The following SORBS2 variants were observed in gnomAD, a reference collection of about 807,000 sequenced individuals.
SORBS2 encodes the protein sorbin and SH3 domain-containing protein 2.
In SORBS2, 46 loss-of-function variants were observed where a neutral mutation model predicts 97.7. The observed-to-expected ratio is 0.47, with a 90% confidence interval of 0.37 to 0.60. The LOEUF is 0.60. Among genes scored for constraint, SORBS2 ranks in the 20% least tolerant of loss-of-function variants. SORBS2 has a pLI of 0.00. For synonymous variants in SORBS2, 476 were observed against 473.4 expected, an observed-to-expected ratio of 1.01 and a Z score of -0.07; for missense variants, 1,316 against 1,282.3, an observed-to-expected ratio of 1.03 and a Z score of -0.40.
chr4:185,706,000 T>C (rs1388668381), intron 2 of SORBS2, among the ~76,000 whole-genome samples: 1 of 152,158 alleles, frequency 6.6e-6, no homozygotes, highest in African/African-American at 2.4e-5. Flanking sequence ...TGAAAATCCC[T>C]GGAAAATGGC....
chr4:185,879,189 G>T (rs1468635987), intron 1 of SORBS2, among the ~76,000 whole-genome samples: 2 of 94,080 alleles, frequency 2.1e-5, no homozygotes, highest in Non-Finnish European at 4.1e-5. Flanking sequence ...CCCACGACAG[G>T]CCCCGGTGTG....
intron 4 of SORBS2, among the ~76,000 whole-genome samples, chr4:185,670,300 T>C (rs1425351821): frequency 2.6e-5 from 4 of 152,166 alleles, no homozygotes; most frequent in African/African-American, 7.2e-5. Flanking sequence ...TAACGTGCGT[T>C]TCAACTTTTC....
chr4:185,696,003 A>G (rs2098170103), intron 2 of SORBS2, among the ~76,000 whole-genome samples: 1 of 152,232 alleles, frequency 6.6e-6, no homozygotes, highest in Non-Finnish European at 1.5e-5. Context: ...ACAGTGCCTG[A>G]AAATGTTCCT....
At chr4:185,919,023 T>C (rs977123648) in intron 1 of SORBS2, among the ~76,000 whole-genome samples, 1 of 152,186 alleles carries the variant, frequency 6.6e-6, no homozygotes, top group Non-Finnish European at 1.5e-5. Context: ...CTTTAAATTA[T>C]AGATGATTCC....
At position 185,613,712 on chromosome 4, in the gene SORBS2, TACCAA is replaced by T. The variant is rs1179770651; in HGVS notation, c.2595+1114_2595+1118del. 1.0e-4 allele frequency among the ~76,000 whole-genome samples: 15 copies of T among 150,374 alleles called. No individual in the cohort carries two copies. The East Asian group carries it at 2.9e-3, about 30-fold the overall frequency. ...TGAAAATTGCACCGATTTTCTAGTATACCAAGAACAGGTAGTTGCTAGGCTGTTGT... is the reference window on the plus strand; with the variant it reads ...TGAAAATTGCACCGATTTTCTAGTATGAACAGGTAGTTGCTAGGCTGTTGT... On this transcript the variant is annotated intron_variant, in intron 11 of 14. Transcript: ENST00000418609.
intron 2 of SORBS2, among the ~76,000 whole-genome samples, chr4:185,719,517 T>G (rs1199686119): frequency 1.3e-5 from 2 of 152,202 alleles, no homozygotes; most frequent in Non-Finnish European, 2.9e-5. Flanking sequence ...ATAGACTGAA[T>G]GTGGGGAAAA....
intron 4 of SORBS2, among the ~76,000 whole-genome samples, chr4:185,637,588 A>C (rs1348216234): frequency 2.0e-5 from 3 of 152,178 alleles, no homozygotes; most frequent in African/African-American, 7.2e-5. Context: ...TATTTTGTGC[A>C]CATTACTTAA....
chr4:185,686,873 T>C (rs912129425), intron 2 of SORBS2, among the ~76,000 whole-genome samples: 1 of 152,188 alleles, frequency 6.6e-6, no homozygotes, highest in African/African-American at 2.4e-5. Context: ...TTCCTGTTTT[T>C]AAGGAAAACA....
intron 2 of SORBS2, among the ~76,000 whole-genome samples, chr4:185,712,952 A>G (rs1488466302): frequency 1.3e-5 from 2 of 152,158 alleles, no homozygotes. Context: ...CTAGCTTTCC[A>G]GTAACCTTAT....
intron 13 of SORBS2, among the ~76,000 whole-genome samples, chr4:185,590,706 G>C (rs910757589): frequency 1.3e-5 from 2 of 152,174 alleles, no homozygotes; most frequent in Non-Finnish European, 2.9e-5. Context: ...TGAATTTGTG[G>C]TAAGAAAACA....
chr4:185,953,621 T>A (rs2150034425), intron 1 of SORBS2, among the ~76,000 whole-genome samples: 1 of 152,344 alleles, frequency 6.6e-6, no homozygotes, highest in Middle Eastern at 3.4e-3. Flanking sequence ...TGAAAGAGAC[T>A]GGCGAGGGTG....
Position 185,848,250 on chromosome 4 carries a change from T to C in SORBS2, c.-337-72884A>G, listed in dbSNP as rs112368756. Among the ~76,000 whole-genome samples, 1,230 of 152,254 alleles carry C rather than the reference T, an allele frequency of 8.1e-3. 15 individuals carry two copies. The highest frequency in any genetic ancestry group is 0.028 in the African/African-American group (1,176 of 41,536). On this transcript the variant is annotated intron_variant, in intron 1 of 20. Transcript: ENST00000284776. ...CCATGATGATTCTGGGCTTCAAGGG[T>C]ATTCTGGGGAAAGCCAACCTGCAGG...
rs1017519461 is a variant in SORBS2 at position 185,840,303 on chromosome 4, T to C, written c.-337-64937A>G. On this transcript the variant is annotated intron_variant, in intron 1 of 20. Transcript: ENST00000284776. ...TCAAAGAGAATGCCAAGGTATGGAA[T>C]GCCTGCTTGTTTGCAGACCAAAAAT... Among the ~76,000 whole-genome samples the C allele has an allele frequency of 2.6e-5, 4 of 152,318 alleles. No homozygotes were observed. In the South Asian group the frequency reaches 6.2e-4, roughly 24 times the overall value.
chr4:185,807,488 G>A (rs73017850), intron 1 of SORBS2, among the ~76,000 whole-genome samples: 1,575 of 152,234 alleles, frequency 0.01, 32 homozygotes, highest in African/African-American at 0.036. Context: ...GTATATTTCC[G>A]TTTTGAAGAC....
Position 185,684,742 on chromosome 4 carries a change from G to C in SORBS2, c.-197-5920C>G. 3 of 1,531,722 alleles carry C rather than the reference G, an allele frequency of 2.0e-6. No individual in the cohort carries two copies. The highest frequency in any genetic ancestry group is 2.7e-6 in the Non-Finnish European group (3 of 1,129,044). The allele number at this position is 1,531,722 out of a possible 1,614,324, so 94.9% of individuals were successfully genotyped here. A position where few individuals can be genotyped will look rare whatever the true frequency, so the allele number is the denominator to read the frequency against. ...TTCAAGTGCGACATTGTGTGAGTTA[G>C]TGATATTATACCTGCAGCCAATAGG... On this transcript the variant is annotated intron_variant, in intron 2 of 20. Transcript: ENST00000284776. This position sits in a 1 kb window ranked among gnomAD's most constrained non-coding sequence, Gnocchi z 4.2.
chr4:185,707,308 G>A (rs2098358928), intron 2 of SORBS2, among the ~76,000 whole-genome samples: 1 of 152,114 alleles, frequency 6.6e-6, no homozygotes, highest in Non-Finnish European at 1.5e-5. Flanking sequence ...TGGCTTCAGA[G>A]TTTTTGTACT....
chr4:185,593,783 T>C, intron 13 of SORBS2, 103 bp downstream of exon 25: 1 of 768,318 alleles, frequency 1.3e-6, no homozygotes, highest in Non-Finnish European at 2.3e-6. Context: ...TCATGTTAGT[T>C]TGATCTTTCA....
At chr4:185,884,254 G>A (rs992799814) in intron 1 of SORBS2, among the ~76,000 whole-genome samples, 1 of 152,092 alleles carries the variant, frequency 6.6e-6, no homozygotes, top group Admixed American at 6.5e-5. Flanking sequence ...TATGGGAATT[G>A]TTCCCATTTA....
At chr4:185,718,230 GAA>G (rs71593645) in intron 2 of SORBS2, among the ~76,000 whole-genome samples, 5 of 134,612 alleles carry the variant, frequency 3.7e-5, no homozygotes, top group African/African-American at 1.4e-4. Context: ...CTGTCTCAAA[GAA>G]AAAAAAAAAG....
Sources: allele counts gnomAD v4.1 joint callset (sites outside exome capture counted in the v4.1 genomes callset), GRCh38; gene constraint gnomAD v4.1.1; non-coding constraint Gnocchi (gnomAD v3.1); transcripts MANE v1.5; gene names NCBI Gene and HGNC (gene_info 2026-07-23, HGNC 2026-07-21).